The following TFB1M variants were observed in gnomAD, a reference collection of about 807,000 sequenced individuals.
TFB1M encodes the protein dimethyladenosine transferase 1, mitochondrial.
Under a neutral mutation model 31.1 loss-of-function variants are expected in TFB1M, and 27 were observed. The ratio of observed to expected loss-of-function variants is 0.87; its 90% CI spans 0.64 to 1.20. The LOEUF (loss-of-function observed/expected upper bound fraction) is 1.20, where lower values mean the gene tolerates loss of function less well. TFB1M is among the 50% of genes most tolerant of loss of function. The probability of loss-of-function intolerance (pLI) is 0.00; values close to 1 mark genes in which losing one functional copy is unlikely to be tolerated. For synonymous variants in TFB1M, 166 were observed against 151.8 expected (o/e 1.09, Z -0.69); for missense variants, 394 against 418.7 (o/e 0.94, Z 0.51).
At chr6:155,284,436 T>C (rs550886816) in intron 5 of TFB1M, among the ~76,000 whole-genome samples, 1 of 152,294 alleles carries the variant, frequency 6.6e-6, no homozygotes, top group East Asian at 1.9e-4. Flanking sequence ...GCAGACTCTG[T>C]ATCGGATTAG....
At chr6:155,275,565 T>C in intron 5 of TFB1M, 1 of 726,800 alleles carries the variant, frequency 1.4e-6, no homozygotes, top group Non-Finnish European at 2.3e-6. Flanking sequence ...GGGAAGCCTT[T>C]TGTTTACTTA....
the TFB1M span, among the ~76,000 whole-genome samples, chr6:155,234,184 C>A: frequency 1.4e-4 from 21 of 152,198 alleles, no homozygotes; most frequent in South Asian, 1.0e-3. Flanking sequence ...CTGGAAAAAA[C>A]CAATCTGAGG....
intron 5 of TFB1M, chr6:155,276,095 A>T: frequency 6.2e-7 from 1 of 1,614,186 alleles, no homozygotes; most frequent in South Asian, 1.1e-5. Flanking sequence ...AGTCTGTTTC[A>T]TGTCTGCAGG....
At chr6:155,265,246 C>A (rs1280344201) in intron 5 of TFB1M, among the ~76,000 whole-genome samples, 3 of 152,222 alleles carry the variant, frequency 2.0e-5, no homozygotes, top group Non-Finnish European at 4.4e-5. Context: ...GACCCCAGCG[C>A]TGCAGGTCCT....
intron 4 of TFB1M, among the ~76,000 whole-genome samples, chr6:155,291,671 G>A: frequency 6.6e-6 from 1 of 152,158 alleles, no homozygotes; most frequent in Non-Finnish European, 1.5e-5. Flanking sequence ...GCTGTGCACT[G>A]AAGAATGCTT....
chr6:155,284,829 C>A (rs533627479), intron 5 of TFB1M, among the ~76,000 whole-genome samples: 1 of 152,258 alleles, frequency 6.6e-6, no homozygotes, highest in East Asian at 1.9e-4. Flanking sequence ...TATTTTATTT[C>A]TTTTCTCAAA....
At chr6:155,245,561 C>A in the TFB1M span, 1 of 1,387,216 alleles carries the variant, frequency 7.2e-7, no homozygotes, top group Non-Finnish European at 1.0e-6. Flanking sequence ...CCGTCAAATG[C>A]CATAAGCCAG....
rs1562406283 is a variant in TFB1M at position 155,285,232 on chromosome 6, C to T, written c.592G>A (p.Val198Ile). 6.2e-7 allele frequency: 1 copy of T among 1,614,044 alleles called. No individual in the cohort carries two copies. Among genetic ancestry groups the T allele is most frequent in the Admixed American group, 1.7e-5 (1 of 60,028 alleles). ...ACATTGCAGAGGTACTGAGCCATAA[C>T]AGAGAGGCGACTACGCTGTTTGCTT... is the stretch of plus-strand genomic sequence containing the variant. ...TGSKQRSRLS[V>I]MAQYLCNVRH... is the part of the protein sequence containing the mutation. Residue 198 changes from valine to isoleucine, a missense_variant, in exon 5 of 7, where the codon GTT (valine) becomes ATT (isoleucine). Physicochemically the swap from Val to Ile is conservative, Grantham distance 29. Coordinates refer to ENST00000367166, the MANE Select transcript of TFB1M (RefSeq NM_016020.4).
the TFB1M span, chr6:155,248,177 C>T: frequency 5.8e-5 from 94 of 1,612,592 alleles, no homozygotes; most frequent in South Asian, 1.8e-4. Flanking sequence ...TACCACCTGA[C>T]GGGTGAGGCG....
At chr6:155,243,989 ACTTT>A in the TFB1M span, 5 of 1,609,106 alleles carry the variant, frequency 3.1e-6, no homozygotes, top group Non-Finnish European at 3.4e-6. Flanking sequence ...CGTTGAAGAC[ACTTT>A]CTTCTATTTT....
the TFB1M span, chr6:155,240,658 C>T: frequency 6.2e-7 from 1 of 1,613,962 alleles, no homozygotes; most frequent in Non-Finnish European, 8.5e-7. Flanking sequence ...ATGCAGACCG[C>T]CTCCGCAAAG....
In TFB1M at chr6:155,256,901, G is replaced by A. The variant is rs778389955; in HGVS notation, c.*935C>T. On this transcript the variant is annotated 3_prime_UTR_variant, in exon 7 of 7. Coordinates refer to ENST00000367166, the MANE Select transcript of TFB1M (RefSeq NM_016020.4). ...GGAGGAGAGCAGCCCAAACTGGTCC[G>A]GGGGCACTTCTGCCCCATTAAACGA... 3.0e-5 allele frequency: 48 copies of A among 1,614,034 alleles called. No individual in the cohort carries two copies. The highest frequency in any genetic ancestry group is 5.0e-5 in the Admixed American group (3 of 60,008).
chr6:155,235,318 C>CG, the TFB1M span, among the ~76,000 whole-genome samples: 1 of 152,226 alleles, frequency 6.6e-6, no homozygotes, highest in African/African-American at 2.4e-5. Context: ...AGGAAGGACA[C>CG]TGAAGACTTA....
chr6:155,287,031 T>C (rs1776691027), intron 4 of TFB1M, among the ~76,000 whole-genome samples: 1 of 151,866 alleles, frequency 6.6e-6, no homozygotes. Context: ...TAAACCATAA[T>C]ATAAACTATG....
In TFB1M at chr6:155,257,704, TA is replaced by T; in HGVS notation, c.*131del. On this transcript the variant is annotated 3_prime_UTR_variant, in exon 7 of 7. Transcript: ENST00000367166. Reference sequence around the variant, plus strand: ...TTATTTTCTCTGCCAAGCTGTATAGTAAAAGGAAAATAAGTCACATCTGGTC... The same window carrying T: ...TTATTTTCTCTGCCAAGCTGTATAGTAAAGGAAAATAAGTCACATCTGGTC... 9.1e-7 allele frequency: 1 copy of T among 1,102,016 alleles called. No individual in the cohort carries two copies. 68.3% of individuals were successfully genotyped at this position (1,102,016 alleles called of 1,614,324 possible).
the TFB1M span, among the ~76,000 whole-genome samples, chr6:155,242,460 T>C: frequency 0.34 from 51,759 of 152,120 alleles, 9,604 homozygotes; most frequent in Middle Eastern, 0.51. Flanking sequence ...CGGTCTGGCG[T>C]GGAATATGGT....
At chr6:155,299,170 C>T (rs1777317986) in intron 2 of TFB1M, among the ~76,000 whole-genome samples, 1 of 152,056 alleles carries the variant, frequency 6.6e-6, no homozygotes, top group African/African-American at 2.4e-5. Flanking sequence ...TGATCCATAC[C>T]CCTTATCGAC....
chr6:155,253,129 AC>A (rs1361238939), downstream of TFB1M: 3 of 1,267,154 alleles, frequency 2.4e-6, no homozygotes, highest in Admixed American at 6.1e-5. Flanking sequence ...TTAAGAAAGG[AC>A]CTTGGGGATA....
chr6:155,249,634 T>C, the TFB1M span, among the ~76,000 whole-genome samples: 1 of 152,314 alleles, frequency 6.6e-6, no homozygotes, highest in East Asian at 1.9e-4. Context: ...CTCTGTCTCA[T>C]TTCAAAAAGA....
Sources: gnomAD v4.1 joint callset for allele counts (sites outside exome capture counted in the v4.1 genomes callset) on GRCh38, gnomAD v4.1.1 for gene constraint, MANE v1.5 for transcripts, NCBI Gene and HGNC (gene_info 2026-07-23, HGNC 2026-07-21) for gene names.